CHN1: variants seen among roughly 807,000 people sequenced by gnomAD.
CHN1 encodes chimerin 1, also known as N-chimaerin.
CHN1 carries 37 observed loss-of-function variants against 59.5 expected under a neutral mutation model. That is an observed-to-expected ratio of 0.62 (90% confidence interval 0.48 to 0.82). The LOEUF (loss-of-function observed/expected upper bound fraction) is 0.82, where lower values mean the gene tolerates loss of function less well. Ranked by LOEUF, CHN1 falls within the 40% of genes least tolerant of loss-of-function variation. The pLI is 0.00. For synonymous variants in CHN1, 206 were observed against 200.4 expected, an observed-to-expected ratio of 1.03 and a Z score of -0.24; for missense variants, 469 against 571.0, an observed-to-expected ratio of 0.82 and a Z score of 1.82.
intron 6 of CHN1, among the ~76,000 whole-genome samples, chr2:174,876,819 G>C (rs1246596961): frequency 6.6e-6 from 1 of 152,142 alleles, no homozygotes; most frequent in Non-Finnish European, 1.5e-5. Flanking sequence ...CATGTGCCAA[G>C]TGCTGATGGA....
chr2:174,916,502 T>C (rs1400569071), intron 4 of CHN1, among the ~76,000 whole-genome samples: 6 of 152,180 alleles, frequency 3.9e-5, no homozygotes, highest in South Asian at 2.1e-4. Flanking sequence ...CTTTTACTGG[T>C]ACTAAAGAAA....
chr2:174,896,445 G>T lies in CHN1; in HGVS notation c.261-18317C>A, dbSNP rs569875252. On this transcript the variant is annotated intron_variant, in intron 5 of 12. Transcript: ENST00000409900. Reference sequence around the variant, plus strand: ...TAAAATCTAAACACAATTAAATCACGGTTTTCTAAAAAGCATATGGTGACA... The same window carrying T: ...TAAAATCTAAACACAATTAAATCACTGTTTTCTAAAAAGCATATGGTGACA... 3.3e-5 allele frequency among the ~76,000 whole-genome samples: 5 copies of T among 152,140 alleles called. No individual in the cohort carries two copies. The East Asian group carries it at 7.7e-4, about 23-fold the overall frequency.
chr2:174,966,877 C>T (rs1035064471), intron 1 of CHN1, among the ~76,000 whole-genome samples: 15 of 152,186 alleles, frequency 9.9e-5, no homozygotes, highest in Non-Finnish European at 2.1e-4. Context: ...TGTCAGTCCT[C>T]TCAATGATAT....
intron 6 of CHN1, among the ~76,000 whole-genome samples, chr2:174,848,872 G>T (rs1261521200): frequency 6.6e-6 from 1 of 152,110 alleles, no homozygotes; most frequent in Non-Finnish European, 1.5e-5. Context: ...TGCTCCCACT[G>T]CAAGAAGAAA....
chr2:174,884,877 T>C (rs577080195), intron 5 of CHN1, among the ~76,000 whole-genome samples: 17 of 152,338 alleles, frequency 1.1e-4, no homozygotes, highest in Admixed American at 2.0e-4. Context: ...GAGACTGGCA[T>C]AGTACTTGGC....
intron 11 of CHN1, among the ~76,000 whole-genome samples, chr2:174,808,568 A>G (rs1490207263): frequency 6.6e-6 from 1 of 152,212 alleles, no homozygotes; most frequent in African/African-American, 2.4e-5. Context: ...TACAGGCGTG[A>G]GCCACTGCCA....
At chr2:174,879,286 AG>A (rs1177260956) in intron 5 of CHN1, among the ~76,000 whole-genome samples, 1 of 152,258 alleles carries the variant, frequency 6.6e-6, no homozygotes, top group African/African-American at 2.4e-5. Context: ...GTGGAAATAA[AG>A]TATGGAAAGG....
intron 8 of CHN1, among the ~76,000 whole-genome samples, chr2:174,813,167 A>G (rs1472401974): frequency 2.0e-5 from 3 of 152,240 alleles, no homozygotes; most frequent in Non-Finnish European, 4.4e-5. Flanking sequence ...TATATCTGAG[A>G]AAACCAAACA....
chr2:174,961,946 A>G (rs1690423525), intron 1 of CHN1, among the ~76,000 whole-genome samples: 1 of 152,148 alleles, frequency 6.6e-6, no homozygotes, highest in Admixed American at 6.5e-5. Flanking sequence ...TTTAAACCGT[A>G]ATTTCCTTGG....
At chr2:174,896,743 A>T (rs910214259) in intron 5 of CHN1, among the ~76,000 whole-genome samples, 2 of 152,164 alleles carry the variant, frequency 1.3e-5, no homozygotes, top group African/African-American at 4.8e-5. Context: ...TACATTTAAC[A>T]TTTAACCTTC....
intron 3 of CHN1, among the ~76,000 whole-genome samples, chr2:174,931,673 A>G (rs917627216): frequency 6.6e-6 from 1 of 152,218 alleles, no homozygotes; most frequent in East Asian, 1.9e-4. Flanking sequence ...AACAAAATGA[A>G]AAGTGTTGTG....
At chr2:174,893,245 C>G (rs567871964) in intron 5 of CHN1, among the ~76,000 whole-genome samples, 11 of 152,204 alleles carry the variant, frequency 7.2e-5, no homozygotes, top group African/African-American at 2.6e-4. Flanking sequence ...AGAAAACTAT[C>G]AGAACCAATA....
intron 5 of CHN1, among the ~76,000 whole-genome samples, chr2:174,914,226 GATAAGTATGCTCTTGT>G (rs1171756950): frequency 6.6e-6 from 1 of 152,182 alleles, no homozygotes; most frequent in Non-Finnish European, 1.5e-5. Context: ...AAGTCCAGTG[GATAAGTATGCTCTTGT>G]ATTATTGTTC....
intron 3 of CHN1, among the ~76,000 whole-genome samples, chr2:174,944,684 A>G (rs1238543505): frequency 6.6e-6 from 1 of 152,248 alleles, no homozygotes; most frequent in Non-Finnish European, 1.5e-5. Flanking sequence ...CATATTCTAT[A>G]CTGTGTTCCA....
At chr2:174,945,642 T>A (rs1689805148) in intron 2 of CHN1, among the ~76,000 whole-genome samples, 1 of 152,192 alleles carries the variant, frequency 6.6e-6, no homozygotes, top group Admixed American at 6.5e-5. Flanking sequence ...GATGTGTGGC[T>A]ATATATGTCT....
In CHN1 at chr2:174,957,194, C is replaced by T. The variant is rs374413120; in HGVS notation, c.20-4992G>A. ...ACACTGTCTAGACAGCACTTTAGCA[C>T]GAGGCTTGGGGACCATTTTAAATGG... On this transcript the variant is annotated intron_variant, in intron 1 of 12. Transcript: ENST00000409900. Among the ~76,000 whole-genome samples the T allele has an allele frequency of 3.9e-5, 6 of 152,210 alleles. No individual in the cohort carries two copies. The East Asian group carries it at 5.8e-4, about 15-fold the overall frequency.
chr2:174,940,528 C>G (rs907084527), intron 3 of CHN1, among the ~76,000 whole-genome samples: 2 of 148,460 alleles, frequency 1.3e-5, no homozygotes, highest in African/African-American at 5.2e-5. Flanking sequence ...TATCATCCCA[C>G]CACTGTTTTT....
intron 11 of CHN1, among the ~76,000 whole-genome samples, chr2:174,806,842 G>A (rs538805546): frequency 2.0e-5 from 3 of 152,308 alleles, no homozygotes; most frequent in Non-Finnish European, 4.4e-5. Context: ...CCAGAAGAGA[G>A]TGTACAAGGA....
chr2:174,889,717 A>C (rs1687992763), intron 5 of CHN1, among the ~76,000 whole-genome samples: 1 of 152,166 alleles, frequency 6.6e-6, no homozygotes, highest in Non-Finnish European at 1.5e-5. Flanking sequence ...AGAAATCCTA[A>C]GGGACTTATG....
Sources: allele counts gnomAD v4.1 joint callset (sites outside exome capture counted in the v4.1 genomes callset), GRCh38; gene constraint gnomAD v4.1.1; transcripts MANE v1.5; gene names NCBI Gene and HGNC (gene_info 2026-07-23, HGNC 2026-07-21).